Variants in PACRG observed in about 807,000 individuals in gnomAD.
PACRG encodes the protein parkin coregulated gene protein.
PACRG carries 29 observed loss-of-function variants against 29.7 expected under a neutral mutation model. That is an observed-to-expected ratio of 0.98 (90% CI 0.73 to 1.33). The LOEUF is 1.33. Among genes scored for constraint, PACRG ranks in the 40% most tolerant of loss-of-function variants. The pLI, the probability that PACRG is intolerant of heterozygous loss-of-function variation, is 0.00. For synonymous variants in PACRG, 116 were observed against 118.7 expected (o/e 0.98, Z 0.15); for missense variants, 279 against 316.2 (o/e 0.88, Z 0.89).
intron 4 of PACRG, among the ~76,000 whole-genome samples, chr6:163,223,821 T>C (rs1033428940): frequency 6.6e-6 from 1 of 152,168 alleles, no homozygotes; most frequent in African/African-American, 2.4e-5. Flanking sequence ...TATGAAGATG[T>C]GCCTTGCTAA....
intron 2 of PACRG, among the ~76,000 whole-genome samples, chr6:162,891,683 A>G (rs535249214): frequency 2.2e-4 from 33 of 152,096 alleles, no homozygotes; most frequent in Non-Finnish European, 5.9e-5. Context: ...TGCCACCTGA[A>G]AAAACCAGAC....
intron 4 of PACRG, among the ~76,000 whole-genome samples, chr6:163,291,055 CT>C (rs1232819102): frequency 2.0e-5 from 3 of 152,212 alleles, no homozygotes; most frequent in Non-Finnish European, 4.4e-5. Flanking sequence ...GTGTTCCTGG[CT>C]TCAGTGCCCG....
intron 1 of PACRG, among the ~76,000 whole-genome samples, chr6:162,792,802 A>G (rs755486049): frequency 6.6e-6 from 1 of 152,214 alleles, no homozygotes; most frequent in Non-Finnish European, 1.5e-5. Context: ...GCAGGGGCAC[A>G]GTGCAATGGT....
At chr6:162,918,671 A>T (rs1796862160) in intron 2 of PACRG, among the ~76,000 whole-genome samples, 1 of 152,186 alleles carries the variant, frequency 6.6e-6, no homozygotes, top group Non-Finnish European at 1.5e-5. Context: ...AAGTTACAAC[A>T]CATATGTATT....
rs113397383 is a variant in PACRG, at chr6:163,241,827, G to A, written c.614-73000G>A. On this transcript the variant is annotated intron_variant, in intron 4 of 4. Coordinates refer to ENST00000366888, the MANE Select transcript of PACRG (RefSeq NM_001080379.2). ...AGAGGCCATGGTAAACCCAAAGGGG[G>A]GGCACGGGCTGGGGATGGAACAGAT... 7.9e-3 allele frequency among the ~76,000 whole-genome samples: 1,209 copies of A among 152,306 alleles called. 17 individuals carry two copies. The highest frequency in any genetic ancestry group is 0.049 in the South Asian group (235 of 4,818).
chr6:163,031,929 A>T (rs1467428185), intron 2 of PACRG, among the ~76,000 whole-genome samples: 1 of 152,238 alleles, frequency 6.6e-6, no homozygotes, highest in East Asian at 1.9e-4. Context: ...CTACAAGTCA[A>T]GTTTGACTCC....
At chr6:162,940,349 TCTGA>T (rs547772612) in intron 2 of PACRG, among the ~76,000 whole-genome samples, 264 of 152,238 alleles carry the variant, frequency 1.7e-3, no homozygotes, top group African/African-American at 6.0e-3. Flanking sequence ...GCTCTTTATA[TCTGA>T]CTGTCATTAG....
At chr6:163,109,091 A>T (rs570171181) in intron 4 of PACRG, among the ~76,000 whole-genome samples, 1 of 152,140 alleles carries the variant, frequency 6.6e-6, no homozygotes, top group Non-Finnish European at 1.5e-5. Flanking sequence ...TCATCATTTT[A>T]TTGGACAGGG....
intron 4 of PACRG, among the ~76,000 whole-genome samples, chr6:163,303,257 G>A (rs781715692): frequency 2.0e-5 from 3 of 152,158 alleles, no homozygotes; most frequent in Non-Finnish European, 4.4e-5. Context: ...CCAGGATGCC[G>A]GGATTGCAGT....
chr6:162,847,806 G>A (rs1029594753), intron 2 of PACRG, among the ~76,000 whole-genome samples: 1 of 151,984 alleles, frequency 6.6e-6, no homozygotes, highest in African/African-American at 2.4e-5. Context: ...CTCAGGAGGA[G>A]GATAGAAGTG....
chr6:163,033,870 TG>T (rs1562850569), intron 2 of PACRG, among the ~76,000 whole-genome samples: 1 of 152,196 alleles, frequency 6.6e-6, no homozygotes. Context: ...TGGGTCACCT[TG>T]AACAGCAGTC....
At chr6:162,977,489 A>G (rs541493719) in intron 2 of PACRG, among the ~76,000 whole-genome samples, 1 of 151,920 alleles carries the variant, frequency 6.6e-6, no homozygotes, top group East Asian at 1.9e-4. Context: ...TAAAATACTA[A>G]TGTTCCACTT....
chr6:162,951,471 C>A (rs1799646094), intron 2 of PACRG, among the ~76,000 whole-genome samples: 1 of 152,136 alleles, frequency 6.6e-6, no homozygotes. Flanking sequence ...CAGCAGTTGG[C>A]GGGGAGGGAT....
intron 1 of PACRG, among the ~76,000 whole-genome samples, chr6:162,754,520 T>C (rs1395078081): frequency 6.6e-6 from 1 of 152,156 alleles, no homozygotes. Context: ...GCTTTTGGAG[T>C]TATATCCAAA....
chr6:163,100,307 G>A (rs1199574480), intron 4 of PACRG, among the ~76,000 whole-genome samples: 3 of 152,172 alleles, frequency 2.0e-5, no homozygotes, highest in Admixed American at 6.5e-5. Context: ...CTCACCGTGA[G>A]AAACCCACTC....
intron 2 of PACRG, among the ~76,000 whole-genome samples, chr6:162,934,601 T>C (rs774989291): frequency 1.3e-5 from 2 of 152,198 alleles, no homozygotes; most frequent in Non-Finnish European, 2.9e-5. Context: ...ACATTCAAAG[T>C]TGTTATTGTA....
At chr6:163,004,182 TA>T (rs1804827073) in intron 2 of PACRG, among the ~76,000 whole-genome samples, 1 of 151,120 alleles carries the variant, frequency 6.6e-6, no homozygotes, top group Admixed American at 6.6e-5. Context: ...AGTTTTCTAA[TA>T]TTTGAACATA....
At chr6:162,910,304 TCA>T (rs1239381866) in intron 2 of PACRG, among the ~76,000 whole-genome samples, 4 of 152,242 alleles carry the variant, frequency 2.6e-5, no homozygotes, top group Non-Finnish European at 4.4e-5. Flanking sequence ...GCTAAAGCCC[TCA>T]CAGTTTCAGC....
chr6:162,922,259 A>G (rs1228389175), intron 2 of PACRG, among the ~76,000 whole-genome samples: 1 of 147,622 alleles, frequency 6.8e-6, no homozygotes, highest in East Asian at 2.0e-4. Flanking sequence ...CCTTGCTCAT[A>G]TCTAGCATGC....
Sources: gnomAD v4.1 joint callset for allele counts (sites outside exome capture counted in the v4.1 genomes callset) on GRCh38, gnomAD v4.1.1 for gene constraint, MANE v1.5 for transcripts, NCBI Gene and HGNC (gene_info 2026-07-23, HGNC 2026-07-21) for gene names.